GPHN: variants seen among roughly 807,000 people sequenced by gnomAD.
The protein encoded by GPHN is gephyrin.
In GPHN, 17 loss-of-function variants were observed where a neutral mutation model predicts 95.5. The observed-to-expected ratio is 0.18, with a 90% CI of 0.12 to 0.27. The LOEUF (loss-of-function observed/expected upper bound fraction) is 0.27. Ranked by LOEUF, GPHN falls within the 10% of genes least tolerant of loss-of-function variation. The probability of loss-of-function intolerance (pLI) is 1.00; values close to 1 mark genes in which losing one functional copy is unlikely to be tolerated. For synonymous variants in GPHN, 320 were observed against 322.5 expected (o/e 0.99, Z 0.08); for missense variants, 660 against 978.1 (o/e 0.67, Z 4.34).
intron 3 of GPHN, among the ~76,000 whole-genome samples, chr14:66,817,741 C>A (rs976758680): frequency 3.5e-4 from 53 of 152,158 alleles, no homozygotes; most frequent in Non-Finnish European, 2.6e-4. Flanking sequence ...CCTTTCTCTC[C>A]AAATGGTCAC....
chr14:66,714,736 T>C (rs2070002989), intron 2 of GPHN, among the ~76,000 whole-genome samples: 1 of 152,204 alleles, frequency 6.6e-6, no homozygotes, highest in Non-Finnish European at 1.5e-5. Flanking sequence ...GAGATGATAA[T>C]GTGATTTTTG....
intron 2 of GPHN, among the ~76,000 whole-genome samples, chr14:66,752,490 A>G (rs990422542): frequency 2.6e-5 from 4 of 152,082 alleles, no homozygotes; most frequent in Non-Finnish European, 5.9e-5. Context: ...AGGAGACCCA[A>G]GAAGAGGGAG....
intron 2 of GPHN, among the ~76,000 whole-genome samples, chr14:66,718,841 G>C (rs2070453089): frequency 6.6e-6 from 1 of 152,214 alleles, no homozygotes; most frequent in Admixed American, 6.5e-5. Flanking sequence ...GCAGGGCCCA[G>C]GATGTCTGAG....
At chr14:67,586,900 T>A in the GPHN span, 7 of 1,531,762 alleles carry the variant, frequency 4.6e-6, no homozygotes, top group South Asian at 4.8e-5. Flanking sequence ...CCCACACCAC[T>A]GGGCCTCTGA....
the GPHN span, among the ~76,000 whole-genome samples, chr14:67,402,231 T>C: frequency 2.6e-5 from 4 of 152,254 alleles, no homozygotes; most frequent in African/African-American, 9.6e-5. Context: ...AGGAAGTTTC[T>C]GTCAATTCCA....
At chr14:66,988,793 G>A (rs906277164) in intron 9 of GPHN, among the ~76,000 whole-genome samples, 1 of 151,806 alleles carries the variant, frequency 6.6e-6, no homozygotes, top group Non-Finnish European at 1.5e-5. Flanking sequence ...AATTGGTTTT[G>A]GTATAAATGT....
At chr14:67,551,277 G>T in the GPHN span, among the ~76,000 whole-genome samples, 6 of 152,134 alleles carry the variant, frequency 3.9e-5, no homozygotes, top group Admixed American at 3.9e-4. Context: ...TGAGACAACA[G>T]GTGAGCATCA....
intron 1 of GPHN, among the ~76,000 whole-genome samples, chr14:66,552,963 T>G (rs2140192613): frequency 6.6e-6 from 1 of 151,872 alleles, no homozygotes; most frequent in South Asian, 2.1e-4. Flanking sequence ...TGGCTAAACT[T>G]CTTTTTTTTT....
the GPHN span, chr14:67,387,514 C>T: frequency 7.1e-6 from 11 of 1,553,682 alleles, no homozygotes; most frequent in Non-Finnish European, 9.6e-6. Flanking sequence ...CTGCTTTCAT[C>T]TTGAACCAGC....
intron 17 of GPHN, chr14:67,142,946 C>T (rs2080577353): frequency 3.8e-6 from 1 of 262,182 alleles, no homozygotes; most frequent in African/African-American, 2.2e-5. Context: ...AAGACATTCT[C>T]TCTAAAGAGT....
chr14:66,640,860 A>G (rs1376787741), intron 1 of GPHN, among the ~76,000 whole-genome samples: 1 of 152,170 alleles, frequency 6.6e-6, no homozygotes, highest in Non-Finnish European at 1.5e-5. Context: ...TCTCAGTTGT[A>G]TCTGTAGTAA....
intron 1 of GPHN, among the ~76,000 whole-genome samples, chr14:66,563,816 A>G (rs563499177): frequency 1.3e-5 from 2 of 151,946 alleles, no homozygotes; most frequent in Non-Finnish European, 2.9e-5. Flanking sequence ...TTGCATTTCC[A>G]TTCACTGGAT....
the GPHN span, among the ~76,000 whole-genome samples, chr14:67,187,549 T>A: frequency 6.6e-6 from 1 of 152,186 alleles, no homozygotes; most frequent in East Asian, 1.9e-4. Flanking sequence ...CTCAGAATGA[T>A]CAATTCAGAA....
the GPHN span, chr14:67,569,326 C>T: frequency 2.8e-6 from 2 of 709,612 alleles, no homozygotes; most frequent in Non-Finnish European, 2.5e-6. Context: ...GGCTGGCCTA[C>T]CCTGTTCCCC....
chr14:67,645,929 A>G, the GPHN span: 3 of 1,065,556 alleles, frequency 2.8e-6, no homozygotes, highest in South Asian at 3.2e-5. Context: ...TTTGTTCATC[A>G]CTATTATGGA....
chr14:67,264,730 A>G, the GPHN span, among the ~76,000 whole-genome samples: 7,434 of 152,198 alleles, frequency 0.049, 201 homozygotes, highest in East Asian at 0.058. Context: ...TTTAATTTTT[A>G]TCCCAAAGCC....
intron 18 of GPHN, among the ~76,000 whole-genome samples, chr14:67,146,923 C>T (rs190508784): frequency 4.6e-4 from 70 of 152,278 alleles, no homozygotes; most frequent in Admixed American, 9.8e-4. Flanking sequence ...ATCCCAGCTT[C>T]TTGGGAGGCT....
chr14:66,957,888 A>G (rs1299186897), intron 8 of GPHN, among the ~76,000 whole-genome samples: 1 of 152,150 alleles, frequency 6.6e-6, no homozygotes, highest in African/African-American at 2.4e-5. Flanking sequence ...TAGGAGCATG[A>G]ATGCAAGGGA....
chr14:66,662,238 C>A (rs1185355089), intron 1 of GPHN, among the ~76,000 whole-genome samples: 1 of 152,122 alleles, frequency 6.6e-6, no homozygotes, highest in Non-Finnish European at 1.5e-5. Flanking sequence ...ACCAGTGTCT[C>A]CAGCCACCAC....
Sources: allele counts gnomAD v4.1 joint callset (sites outside exome capture counted in the v4.1 genomes callset), GRCh38; gene constraint gnomAD v4.1.1; transcripts MANE v1.5; gene names NCBI Gene and HGNC (gene_info 2026-07-23, HGNC 2026-07-21).